The following EIF4G3 variants were observed in gnomAD, a reference collection of about 807,000 sequenced individuals.
EIF4G3 encodes the protein eIF-4-gamma 3.
EIF4G3 carries 34 observed loss-of-function variants against 186.4 expected under a neutral mutation model. The ratio of observed to expected loss-of-function variants is 0.18; its 90% CI spans 0.14 to 0.24. The LOEUF (loss-of-function observed/expected upper bound fraction) is 0.24. Among genes scored for constraint, EIF4G3 ranks in the 10% least tolerant of loss-of-function variants. EIF4G3 has a pLI of 1.00. For synonymous variants in EIF4G3, 673 were observed against 679.5 expected, an observed-to-expected ratio of 0.99 and a Z score of 0.15; for missense variants, 1,536 against 1,948.5, an observed-to-expected ratio of 0.79 and a Z score of 3.99.
At chr1:20,845,162 A>G (rs985416901) in intron 29 of EIF4G3, among the ~76,000 whole-genome samples, 1 of 152,120 alleles carries the variant, frequency 6.6e-6, no homozygotes, top group Non-Finnish European at 1.5e-5. Context: ...TCCAGTTTCA[A>G]TTTTCCGCTT....
chr1:20,929,834 T>A lies in EIF4G3; in HGVS notation c.1663+11657A>T, dbSNP rs145605814. On this transcript the variant is annotated intron_variant, in intron 14 of 36. Transcript: ENST00000602326. ...GGAGTGTTTGATGCTGTTGCTTTGA[T>A]CTTACCACTAAATTTTACTGCCAGT... 4.9e-4 allele frequency among the ~76,000 whole-genome samples: 74 copies of A among 152,330 alleles called. No homozygotes were observed. The East Asian group carries it at 0.014, about 29-fold the overall frequency.
At chr1:20,845,445 A>G (rs1230447285) in intron 29 of EIF4G3, among the ~76,000 whole-genome samples, 2 of 152,076 alleles carry the variant, frequency 1.3e-5, no homozygotes, top group African/African-American at 4.8e-5. Context: ...GGCGGATCAC[A>G]AGGTCAGGAG....
intron 35 of EIF4G3, 62 bp downstream of exon 35, chr1:20,813,096 C>T (rs1343555569): frequency 1.1e-5 from 13 of 1,149,164 alleles, no homozygotes; most frequent in East Asian, 7.1e-5. Context: ...AAACTGTATA[C>T]TTAGTAGTTG....
intron 22 of EIF4G3, among the ~76,000 whole-genome samples, chr1:20,863,186 A>T (rs1571851308): frequency 6.6e-6 from 1 of 152,062 alleles, no homozygotes; most frequent in Admixed American, 6.6e-5. Flanking sequence ...GATTAATGAT[A>T]GGCAATAATA....
At chr1:20,827,095 T>G (rs1003964493) in intron 32 of EIF4G3, among the ~76,000 whole-genome samples, 1 of 152,206 alleles carries the variant, frequency 6.6e-6, no homozygotes, top group African/African-American at 2.4e-5. Flanking sequence ...AGAATCTTCA[T>G]TTCTGAGTTC....
intron 4 of EIF4G3, among the ~76,000 whole-genome samples, chr1:21,028,085 A>C (rs369506494): frequency 1.3e-5 from 2 of 152,238 alleles, no homozygotes; most frequent in Non-Finnish European, 2.9e-5. Flanking sequence ...AGAATAGCCA[A>C]AGCCACAGAC....
intron 2 of EIF4G3, among the ~76,000 whole-genome samples, chr1:21,166,834 T>C (rs1440776783): frequency 6.6e-6 from 1 of 152,010 alleles, no homozygotes; most frequent in Non-Finnish European, 1.5e-5. Flanking sequence ...CAGGCTGGAG[T>C]GCAGCAGTGC....
intron 31 of EIF4G3, 93 bp downstream of exon 31, chr1:20,829,054 G>C (rs112896487): frequency 2.9e-6 from 4 of 1,376,590 alleles, no homozygotes; most frequent in African/African-American, 1.5e-5. Flanking sequence ...GTCTCCAAAG[G>C]CGATAATGGG....
At chr1:20,867,034 T>A (rs181663737) in intron 20 of EIF4G3, among the ~76,000 whole-genome samples, 1 of 152,300 alleles carries the variant, frequency 6.6e-6, no homozygotes, top group East Asian at 1.9e-4. Context: ...TCTAAGCCAC[T>A]GCCATATGGT....
At position 21,148,271 on chromosome 1, in the gene EIF4G3, A is replaced by G. The variant is rs528237362; in HGVS notation, c.-272+27904T>C. ...AATTTCACAGAGACAAGGTCTTGCT[A>G]TGTTGCCCAGGTTGGTCTTGAACTC... is the stretch of plus-strand genomic sequence containing the variant. On this transcript the variant is annotated intron_variant, in intron 2 of 36. Transcript: ENST00000602326. Among the ~76,000 whole-genome samples, 21 of 152,192 alleles carry G rather than the reference A, an allele frequency of 1.4e-4. No homozygotes were observed. The South Asian group carries it at 2.5e-3, about 18-fold the overall frequency.
At chr1:21,174,755 C>G (rs1242736305) in intron 2 of EIF4G3, 4 of 152,154 alleles carry the variant, frequency 2.6e-5, no homozygotes, top group Admixed American at 6.6e-5. Context: ...ACTTTCTCAT[C>G]GGTGAACAAT....
intron 4 of EIF4G3, among the ~76,000 whole-genome samples, chr1:21,029,391 G>A (rs1439666775): frequency 6.6e-6 from 1 of 152,008 alleles, no homozygotes; most frequent in Non-Finnish European, 1.5e-5. Flanking sequence ...CATCCATCCT[G>A]GGAGCAAGAA....
In EIF4G3 at chr1:21,050,976, G is replaced by T. The variant is rs1215651901; in HGVS notation, c.-177C>A. The T allele has an allele frequency of 2.8e-6, 2 of 717,404 alleles. No individual in the cohort carries two copies. Among genetic ancestry groups the T allele is most frequent in the Non-Finnish European group, 5.2e-6 (2 of 385,102 alleles). 44.4% of individuals were successfully genotyped at this position (717,404 alleles called of 1,614,324 possible). Reference sequence around the variant, plus strand: ...GGGGATGGGGTAGGGGTTCCCGGCTGTCTTGCCACTTGTGTTACCTGTGAG... The same window carrying T: ...GGGGATGGGGTAGGGGTTCCCGGCTTTCTTGCCACTTGTGTTACCTGTGAG... On this transcript the variant is annotated 5_prime_UTR_variant, in exon 4 of 37. Transcript: ENST00000602326.
intron 2 of EIF4G3, among the ~76,000 whole-genome samples, chr1:21,101,946 A>G (rs2096536005): frequency 6.6e-6 from 1 of 152,154 alleles, no homozygotes. Flanking sequence ...TTAAAGTTAT[A>G]AGTTATATAC....
chr1:20,956,617 C>CAAAAAAAAAAAAAAAA (rs61623629), intron 12 of EIF4G3, among the ~76,000 whole-genome samples: 3 of 114,572 alleles, frequency 2.6e-5, no homozygotes, highest in East Asian at 2.6e-4. Context: ...GTATAATTTA[C>CAAAAAAAAAAAAAAAA]AAAAAAAAAA....
chr1:21,118,931 TA>T (rs35040627), intron 2 of EIF4G3, among the ~76,000 whole-genome samples: 41,071 of 86,224 alleles, frequency 0.48, 8,576 homozygotes, highest in South Asian at 0.56. Flanking sequence ...CAAGCTCTAT[TA>T]AAAAAAAAAA....
At chr1:20,819,762 A>T (rs1207254413) in intron 33 of EIF4G3, among the ~76,000 whole-genome samples, 1 of 152,178 alleles carries the variant, frequency 6.6e-6, no homozygotes, top group African/African-American at 2.4e-5. Context: ...TGACAAAATA[A>T]TCTGTAAAGC....
At position 21,125,804 on chromosome 1, in the gene EIF4G3, A is replaced by ACT. The variant is rs71014158; in HGVS notation, c.-271-36593_-271-36592dup. ...CACACACACACACACACACACACAC[A>ACT]CTCTTATTAGGCACTAAGTATGACA... is the stretch of plus-strand genomic sequence containing the variant. On this transcript the variant is annotated intron_variant, in intron 2 of 36. Coordinates refer to ENST00000602326, the MANE Select transcript of EIF4G3 (RefSeq NM_001391906.1). 3.1e-3 allele frequency among the ~76,000 whole-genome samples: 411 copies of ACT among 131,620 alleles called. 1 individual carries two copies. Among genetic ancestry groups the ACT allele is most frequent in the African/African-American group, 0.01 (390 of 37,690 alleles). The allele number at this position is 131,620 out of a possible 152,430, so 86.3% of individuals were successfully genotyped here. A position where few individuals can be genotyped will look rare whatever the true frequency, so the allele number is the denominator to read the frequency against.
At chr1:21,150,867 T>C (rs1488049137) in intron 2 of EIF4G3, among the ~76,000 whole-genome samples, 1 of 152,116 alleles carries the variant, frequency 6.6e-6, no homozygotes, top group African/African-American at 2.4e-5. Flanking sequence ...TCCCAGCTAC[T>C]CGGGAGGCTG....
Sources: allele counts gnomAD v4.1 joint callset (sites outside exome capture counted in the v4.1 genomes callset), GRCh38; gene constraint gnomAD v4.1.1; transcripts MANE v1.5; gene names NCBI Gene and HGNC (gene_info 2026-07-23, HGNC 2026-07-21).